The following SBF2 variants were observed in gnomAD, a reference collection of about 807,000 sequenced individuals.
SBF2 encodes the protein SET binding factor 2.
In SBF2, 112 loss-of-function variants were observed where a neutral mutation model predicts 225.2. That is an observed-to-expected ratio of 0.50 (90% CI 0.43 to 0.58). SBF2 has a LOEUF of 0.58. Among genes scored for constraint, SBF2 ranks in the 20% least tolerant of loss-of-function variants. The pLI, the probability that SBF2 is intolerant of heterozygous loss-of-function variation, is 0.00. For missense variants in SBF2, 1,996 were observed against 2,206.2 expected, an observed-to-expected ratio of 0.90 and a Z score of 1.91; for synonymous variants, 763 against 773.3, an observed-to-expected ratio of 0.99 and a Z score of 0.22.
chr11:9,804,814 A>T (rs1202174814), intron 32 of SBF2, among the ~76,000 whole-genome samples: 2 of 152,224 alleles, frequency 1.3e-5, no homozygotes, highest in Non-Finnish European at 2.9e-5. Context: ...CACTGAATTA[A>T]TATGCCAGAA....
intron 16 of SBF2, among the ~76,000 whole-genome samples, chr11:9,945,904 T>C (rs1383535357): frequency 2.0e-5 from 3 of 150,906 alleles, no homozygotes; most frequent in Non-Finnish European, 3.0e-5. Context: ...CGAGTCAGAG[T>C]GGACTATTAT....
chr11:9,950,798 C>A (rs1470702741), intron 16 of SBF2, among the ~76,000 whole-genome samples: 1 of 152,264 alleles, frequency 6.6e-6, no homozygotes, highest in Non-Finnish European at 1.5e-5. Context: ...TGTGAAGGGA[C>A]AGAAACTCAG....
At chr11:10,035,472 C>G (rs1047444389) in intron 3 of SBF2, among the ~76,000 whole-genome samples, 4 of 152,156 alleles carry the variant, frequency 2.6e-5, no homozygotes, top group African/African-American at 7.2e-5. Context: ...GCAGAGTGAA[C>G]AGGCAACCTA....
intron 2 of SBF2, among the ~76,000 whole-genome samples, chr11:10,111,422 A>G (rs1274920260): frequency 1.3e-5 from 2 of 152,270 alleles, no homozygotes; most frequent in Non-Finnish European, 2.9e-5. Flanking sequence ...TCATAGCAAC[A>G]GTATTTCATT....
At chr11:9,987,936 A>G (rs1181150142) in intron 13 of SBF2, among the ~76,000 whole-genome samples, 1 of 152,204 alleles carries the variant, frequency 6.6e-6, no homozygotes, top group Non-Finnish European at 1.5e-5. Context: ...TTCATATGGA[A>G]CTAAAAAAGA....
intron 1 of SBF2, among the ~76,000 whole-genome samples, chr11:10,292,009 G>C (rs1285636313): frequency 6.6e-6 from 1 of 152,184 alleles, no homozygotes; most frequent in African/African-American, 2.4e-5. Flanking sequence ...TGACTGACCT[G>C]TAATTGTTAA....
chr11:10,049,331 G>C (rs1237542597), intron 2 of SBF2, among the ~76,000 whole-genome samples: 1 of 152,196 alleles, frequency 6.6e-6, no homozygotes, highest in African/African-American at 2.4e-5. Context: ...TTGTGGCTGG[G>C]TGCGATGGCT....
intron 6 of SBF2, among the ~76,000 whole-genome samples, chr11:10,010,278 G>A (rs1948386420): frequency 6.6e-6 from 1 of 152,056 alleles, no homozygotes; most frequent in South Asian, 2.1e-4. Flanking sequence ...GGTTTTTGTT[G>A]CCATTGCTTT....
intron 6 of SBF2, among the ~76,000 whole-genome samples, chr11:10,023,674 C>T (rs1386086322): frequency 6.6e-6 from 1 of 152,116 alleles, no homozygotes; most frequent in Non-Finnish European, 1.5e-5. Flanking sequence ...TTCCAAGATT[C>T]ACCCAGGTTG....
rs1203186155 is a variant in SBF2, at chr11:9,787,718, G to A, written c.4953C>T (p.His1651=). 1 of 1,614,128 alleles carries A rather than the reference G, an allele frequency of 6.2e-7. No individual in the cohort carries two copies. Among genetic ancestry groups the A allele is most frequent in the East Asian group, 2.2e-5 (1 of 44,886 alleles). Residue 1651 remains histidine (H), a synonymous_variant, in exon 36 of 40, where the codon CAC becomes CAT. Coordinates refer to ENST00000256190, the MANE Select transcript of SBF2 (RefSeq NM_030962.4). ...ACTTCTCAGGGGCTTGGTTCAATTT[G>A]TGCTCCAATTTTTCAATTTCCTGCA... is the stretch of plus-strand genomic sequence containing the variant. ...SLFSEIEKLE[H]KLNQAPEKWQ... is the part of the protein sequence containing the mutation.
chr11:9,800,345 G>GT (rs1485240373), intron 32 of SBF2, among the ~76,000 whole-genome samples: 1 of 152,116 alleles, frequency 6.6e-6, no homozygotes, highest in Non-Finnish European at 1.5e-5. Flanking sequence ...TTCTCCCACT[G>GT]TGTGATTGGT....
At chr11:9,872,018 G>A (rs796801090) in intron 17 of SBF2, among the ~76,000 whole-genome samples, 1 of 152,140 alleles carries the variant, frequency 6.6e-6, no homozygotes, top group African/African-American at 2.4e-5. Context: ...ATACATGCAT[G>A]CATATGTTCA....
intron 13 of SBF2, among the ~76,000 whole-genome samples, chr11:9,971,754 T>C (rs2134398764): frequency 6.6e-6 from 1 of 152,314 alleles, no homozygotes; most frequent in South Asian, 2.1e-4. Flanking sequence ...GTTGGTCCTA[T>C]AATTTGGTAA....
At chr11:10,110,751 C>G (rs1241040457) in intron 2 of SBF2, among the ~76,000 whole-genome samples, 1 of 152,062 alleles carries the variant, frequency 6.6e-6, no homozygotes, top group African/African-American at 2.4e-5. Flanking sequence ...TTGCCCTCTA[C>G]TAGAGATCCT....
intron 1 of SBF2, among the ~76,000 whole-genome samples, chr11:10,250,260 G>A (rs968310754): frequency 6.6e-6 from 1 of 152,124 alleles, no homozygotes; most frequent in African/African-American, 2.4e-5. Context: ...CATGGTCTAA[G>A]TTAAACTACC....
rs377140216 is a variant in SBF2, at chr11:9,822,451, A to G, written c.3794-5427T>C. Among the ~76,000 whole-genome samples, 155 of 151,900 alleles carry G rather than the reference A, an allele frequency of 1.0e-3. 1 individual carries two copies. The highest frequency in any genetic ancestry group is 2.9e-3 in the African/African-American group (119 of 41,434). Reference sequence around the variant, plus strand: ...AATTTTTTGTATTTTTAGTAGAGACAGGGTTTCACTGTGTTAGCCAGGATG... The same window carrying G: ...AATTTTTTGTATTTTTAGTAGAGACGGGGTTTCACTGTGTTAGCCAGGATG... On this transcript the variant is annotated intron_variant, in intron 28 of 39. Transcript: ENST00000256190.
At chr11:10,122,486 G>A (rs556680719) in intron 2 of SBF2, among the ~76,000 whole-genome samples, 2 of 152,298 alleles carry the variant, frequency 1.3e-5, no homozygotes, top group South Asian at 4.1e-4. Flanking sequence ...TTTGAATTAT[G>A]AGACTTTTCC....
At chr11:9,823,852 A>G (rs1248587819) in intron 28 of SBF2, among the ~76,000 whole-genome samples, 4 of 152,218 alleles carry the variant, frequency 2.6e-5, no homozygotes, top group Admixed American at 2.6e-4. Context: ...CTCTTTGTCC[A>G]GTTTATCACT....
At chr11:10,187,137 T>C (rs947177528) in intron 2 of SBF2, among the ~76,000 whole-genome samples, 22 of 152,210 alleles carry the variant, frequency 1.4e-4, no homozygotes, top group Admixed American at 3.9e-4. Context: ...ACATATCCCA[T>C]AAAACTAACT....
Sources: allele counts gnomAD v4.1 joint callset (sites outside exome capture counted in the v4.1 genomes callset), GRCh38; gene constraint gnomAD v4.1.1; transcripts MANE v1.5; gene names NCBI Gene and HGNC (gene_info 2026-07-23, HGNC 2026-07-21).